IQCM: variants seen among roughly 807,000 people sequenced by gnomAD.
The protein encoded by IQCM is IQ domain-containing protein M.
In IQCM, 45 loss-of-function variants were observed where a neutral mutation model predicts 57.6. The observed-to-expected ratio is 0.78, with a 90% CI of 0.62 to 1.00. The LOEUF (loss-of-function observed/expected upper bound fraction) is 1.00. Ranked by LOEUF, IQCM falls within the 50% of genes least tolerant of loss-of-function variation. IQCM has a pLI of 0.00. For synonymous variants in IQCM, 148 were observed against 158.9 expected (o/e 0.93, Z 0.51); for missense variants, 468 against 511.6 (o/e 0.91, Z 0.82).
chr4:149,769,822 G>A (rs566177391), intron 2 of IQCM, among the ~76,000 whole-genome samples: 15 of 151,978 alleles, frequency 9.9e-5, no homozygotes, highest in African/African-American at 2.6e-4. Context: ...AGAGAAATAC[G>A]CAAATCTACA....
chr4:149,399,803 T>C (rs1013173808), intron 13 of IQCM, among the ~76,000 whole-genome samples: 3 of 152,088 alleles, frequency 2.0e-5, no homozygotes, highest in African/African-American at 7.2e-5. Flanking sequence ...ATGGGGTTAC[T>C]TATAAATTAA....
intron 7 of IQCM, among the ~76,000 whole-genome samples, chr4:149,678,400 T>A (rs72726183): frequency 0.21 from 31,659 of 151,666 alleles, 4,112 homozygotes; most frequent in Non-Finnish European, 0.28. Flanking sequence ...AAACAGAAAA[T>A]CTATTGCCAG....
chr4:149,604,002 T>C lies in IQCM; in HGVS notation c.682-16005A>G, dbSNP rs532894988. On this transcript the variant is annotated intron_variant, in intron 8 of 13. Transcript: ENST00000636793. The stretch of plus-strand genomic sequence containing the variant: ...ATTATTAGTACTACTGCTGCAAGTC[T>C]ACAATTCTAAGACTCTGAAATGTAT... Among the ~76,000 whole-genome samples, 6 of 152,246 alleles carry C rather than the reference T, an allele frequency of 3.9e-5. No homozygotes were observed. In the East Asian group the frequency reaches 1.2e-3, roughly 29 times the overall value.
At chr4:149,623,874 C>T (rs992436245) in intron 7 of IQCM, among the ~76,000 whole-genome samples, 4 of 151,996 alleles carry the variant, frequency 2.6e-5, no homozygotes, top group South Asian at 2.1e-4. Flanking sequence ...CTGAGGAAAA[C>T]GCAATATCAA....
intron 9 of IQCM, among the ~76,000 whole-genome samples, chr4:149,580,065 G>A (rs894496999): frequency 1.3e-5 from 2 of 151,674 alleles, no homozygotes; most frequent in Non-Finnish European, 2.9e-5. Context: ...AGTATTTCAG[G>A]CCATTTCGAT....
At chr4:149,386,078 A>G (rs1731403175) in intron 13 of IQCM, among the ~76,000 whole-genome samples, 1 of 152,052 alleles carries the variant, frequency 6.6e-6, no homozygotes, top group Admixed American at 6.6e-5. Context: ...TAATAGTAGG[A>G]CTTAGAAGGT....
At chr4:149,454,749 T>A (rs999742324) in intron 12 of IQCM, among the ~76,000 whole-genome samples, 15 of 152,048 alleles carry the variant, frequency 9.9e-5, no homozygotes, top group African/African-American at 3.4e-4. Flanking sequence ...AAAGAAGTTA[T>A]GAAAAACCTC....
At chr4:149,696,259 C>G (rs1763333269) in intron 5 of IQCM, among the ~76,000 whole-genome samples, 1 of 152,074 alleles carries the variant, frequency 6.6e-6, no homozygotes. Context: ...TTTGCTGAAC[C>G]TTTACTGCAG....
intron 12 of IQCM, among the ~76,000 whole-genome samples, chr4:149,519,861 TGG>T (rs1349279945): frequency 2.0e-5 from 3 of 148,358 alleles, no homozygotes; most frequent in African/African-American, 7.5e-5. Flanking sequence ...AAAAAATAGC[TGG>T]GCGTGGTGGC....
At chr4:149,545,896 G>A (rs749876362) in intron 12 of IQCM, among the ~76,000 whole-genome samples, 7 of 151,886 alleles carry the variant, frequency 4.6e-5, no homozygotes, top group Admixed American at 1.3e-4. Flanking sequence ...GTATACATAC[G>A]CCATGTTGGT....
At chr4:149,483,809 T>A (rs773722190) in intron 12 of IQCM, among the ~76,000 whole-genome samples, 7 of 151,966 alleles carry the variant, frequency 4.6e-5, no homozygotes, top group Non-Finnish European at 1.0e-4. Context: ...GCAAATCAAG[T>A]TTGAGCTTTC....
chr4:149,770,497 C>G (rs1770472252), intron 2 of IQCM, among the ~76,000 whole-genome samples: 1 of 151,878 alleles, frequency 6.6e-6, no homozygotes, highest in South Asian at 2.1e-4. Flanking sequence ...TAAAACAAAA[C>G]CTATGGACGA....
At chr4:149,667,089 A>G (rs553918542) in intron 7 of IQCM, among the ~76,000 whole-genome samples, 1 of 152,278 alleles carries the variant, frequency 6.6e-6, no homozygotes, top group South Asian at 2.1e-4. Flanking sequence ...AAGGGGACAG[A>G]CTGCCTCCTC....
intron 7 of IQCM, among the ~76,000 whole-genome samples, chr4:149,659,480 C>T (rs1453680820): frequency 1.3e-5 from 2 of 152,078 alleles, no homozygotes; most frequent in Non-Finnish European, 2.9e-5. Flanking sequence ...GAAAAAACTA[C>T]TTTAAGGATC....
intron 12 of IQCM, among the ~76,000 whole-genome samples, chr4:149,500,327 G>C (rs935717990): frequency 2.0e-5 from 3 of 152,166 alleles, no homozygotes; most frequent in Non-Finnish European, 2.9e-5. Flanking sequence ...GCTTAAGTTA[G>C]TATCTTTTAA....
chr4:149,630,735 T>C lies in IQCM; in HGVS notation c.566-9491A>G, dbSNP rs147613102. Among the ~76,000 whole-genome samples the C allele has an allele frequency of 2.3e-4, 35 of 152,340 alleles. No individual in the cohort carries two copies. In the East Asian group the frequency reaches 3.9e-3, roughly 17 times the overall value. ...TTGTCAGTAATAAAAGTCTTTTAAATGTTCATATTTTTTGTAATACCAATT... is the reference window on the plus strand; with the variant it reads ...TTGTCAGTAATAAAAGTCTTTTAAACGTTCATATTTTTTGTAATACCAATT... On this transcript the variant is annotated intron_variant, in intron 7 of 13. Coordinates refer to ENST00000636793, the MANE Select transcript of IQCM (RefSeq NM_001363507.2).
intron 2 of IQCM, among the ~76,000 whole-genome samples, chr4:149,747,322 G>A (rs1323633123): frequency 6.6e-6 from 1 of 152,174 alleles, no homozygotes; most frequent in African/African-American, 2.4e-5. Flanking sequence ...CCCTGTAGAT[G>A]TCAAAATCTG....
chr4:149,401,271 A>G (rs1424638042), intron 13 of IQCM, among the ~76,000 whole-genome samples: 2 of 151,860 alleles, frequency 1.3e-5, no homozygotes, highest in African/African-American at 4.8e-5. Flanking sequence ...AGACATAGGG[A>G]AACATTTATG....
chr4:149,728,837 C>T (rs977677337), intron 5 of IQCM, among the ~76,000 whole-genome samples: 2 of 152,160 alleles, frequency 1.3e-5, no homozygotes, highest in Non-Finnish European at 2.9e-5. Context: ...CCAAAGATGA[C>T]AACCCAAAGT....
Sources: gnomAD v4.1 joint callset for allele counts (sites outside exome capture counted in the v4.1 genomes callset) on GRCh38, gnomAD v4.1.1 for gene constraint, MANE v1.5 for transcripts, NCBI Gene and HGNC (gene_info 2026-07-23, HGNC 2026-07-21) for gene names.